SUMF2: variants seen among roughly 807,000 people sequenced by gnomAD.
SUMF2 encodes sulfatase modifying factor 2.
SUMF2 carries 45 observed loss-of-function variants against 44.8 expected under a neutral mutation model. The observed-to-expected ratio is 1.00, with a 90% CI of 0.79 to 1.29. The LOEUF is 1.29. SUMF2 is among the 50% of genes most tolerant of loss of function. The pLI, the probability that SUMF2 is intolerant of heterozygous loss-of-function variation, is 0.00. For synonymous variants in SUMF2, 148 were observed against 150.4 expected (o/e 0.98, Z 0.12); for missense variants, 418 against 389.9 (o/e 1.07, Z -0.61).
rs934174559 is a variant in SUMF2, at chr7:56,074,566, C to A, written c.385-20C>A. The A allele has an allele frequency of 6.2e-7, 1 of 1,613,258 alleles. No homozygotes were observed. The highest frequency in any genetic ancestry group is 1.3e-5 in the African/African-American group (1 of 74,908). ...TTAATGCGCTCCCGGAAGCCTGTCT[C>A]ACTTAATCCTGGCTGTCAGCCTGCA... is the stretch of plus-strand genomic sequence containing the variant. On this transcript the variant is annotated intron_variant, in intron 4 of 8. Coordinates refer to ENST00000434526, the MANE Select transcript of SUMF2 (RefSeq NM_015411.4).
chr7:56,083,747 G>C (rs1562878512), downstream of SUMF2: 1 of 1,462,110 alleles, frequency 6.8e-7, no homozygotes. Context: ...AGCTGGATCG[G>C]TCCCAAGACC....
At chr7:56,074,014 C>CAAAAAAAAAAAAAAAAAAAAAAA (rs56927689) in intron 3 of SUMF2, 160 bp from the exon 4 acceptor site, 1 of 265,990 alleles carries the variant, frequency 3.8e-6, no homozygotes, top group Non-Finnish European at 6.7e-6. Context: ...GATCTTGTCT[C>CAAAAAAAAAAAAAAAAAAAAAAA]AAAAAAAAAA....
chr7:56,067,208 GCTTGTGTAGAGGAAGAAAAGGA>G (rs975629376), intron 1 of SUMF2, among the ~76,000 whole-genome samples: 7 of 152,198 alleles, frequency 4.6e-5, no homozygotes, highest in Non-Finnish European at 5.9e-5. Flanking sequence ...TGGGACAAGG[GCTTGTGTAGAGGAAGAAAAGGA>G]CTTGTGTAGA....
In SUMF2 at chr7:56,074,706, T is replaced by A; in HGVS notation, c.505T>A (p.Trp169Arg). The change falls in exon 5 of 9, where the codon TGG becomes AGG. Residue 169 changes from tryptophan to arginine, a missense_variant. By Grantham distance (101) the Trp-to-Arg change is moderately radical. Transcript: ENST00000434526. Reference sequence around the variant, plus strand: ...AAAACGACTGCCCACGGAGGAAGAGTGGGAGTTTGCCGCCCGAGGGGGCTT... The same window carrying A: ...AAAACGACTGCCCACGGAGGAAGAGAGGGAGTTTGCCGCCCGAGGGGGCTT... The part of the protein sequence containing the change: ...RGKRLPTEEE[W>R]EFAARGGLKG... The A allele has an allele frequency of 6.2e-7, 1 of 1,613,440 alleles. No individual in the cohort carries two copies. Among genetic ancestry groups the A allele is most frequent in the African/African-American group, 1.3e-5 (1 of 74,766 alleles).
At chr7:56,071,805 T>C (rs950739304) in intron 2 of SUMF2, among the ~76,000 whole-genome samples, 2 of 146,490 alleles carry the variant, frequency 1.4e-5, no homozygotes, top group Non-Finnish European at 3.0e-5. Flanking sequence ...AATAAATAAA[T>C]AAATAAATAA....
chr7:56,069,227 A>C (rs1795009081), intron 2 of SUMF2, among the ~76,000 whole-genome samples: 1 of 152,102 alleles, frequency 6.6e-6, no homozygotes, highest in African/African-American at 2.4e-5. Context: ...GAGAAATATA[A>C]GCAAACGCCA....
chr7:56,074,444 C>A, intron 4 of SUMF2, 142 bp from the exon 5 acceptor site: 1 of 1,177,692 alleles, frequency 8.5e-7, no homozygotes, highest in Non-Finnish European at 1.2e-6. Context: ...TTTCTGACTC[C>A]GACCACTGGT....
the SUMF2 span, chr7:56,087,051 C>T: frequency 1.9e-6 from 3 of 1,599,316 alleles, no homozygotes; most frequent in Non-Finnish European, 2.6e-6. Context: ...TAGCTTGTCT[C>T]AAGTAGCAGG....
At chr7:56,081,228 C>G (rs1381925012), downstream of SUMF2, 3 of 1,613,702 alleles carry the variant, frequency 1.9e-6, no homozygotes, top group Non-Finnish European at 2.5e-6. The surrounding 1 kb of genome is among the most constrained non-coding windows in gnomAD (Gnocchi z 4.6). Flanking sequence ...TGACGATCTC[C>G]CGGGTCACAG....
chr7:56,076,248 G>A (rs991547341), intron 5 of SUMF2, among the ~76,000 whole-genome samples: 12 of 151,844 alleles, frequency 7.9e-5, no homozygotes, highest in Non-Finnish European at 1.3e-4. Flanking sequence ...GGATGATCTC[G>A]ATCTCCTGAC....
At position 56,073,008 on chromosome 7, in the gene SUMF2, G is replaced by A. The variant is rs1299748082; in HGVS notation, c.236G>A (p.Arg79Lys). 1 of 1,613,838 alleles carries A rather than the reference G, an allele frequency of 6.2e-7. No individual in the cohort carries two copies. The highest frequency in any genetic ancestry group is 8.5e-7 in the Non-Finnish European group (1 of 1,179,788). ...CTATGTCTTTATAGGGATTTTGTCA[G>A]GGAGAAAAAGTATCGGACAGAAGCT... ...VTNKDFRDFV[R>K]EKKYRTEAEM... is the part of the protein sequence containing the mutation. The change falls in exon 3 of 9, where the codon AGG (arginine) becomes AAG (lysine). Residue 79 changes from arginine to lysine, a missense_variant. Physicochemically the swap from Arg to Lys is conservative, Grantham distance 26. Transcript: ENST00000434526.
chr7:56,084,707 A>T (rs966994578), downstream of SUMF2, among the ~76,000 whole-genome samples: 1 of 152,072 alleles, frequency 6.6e-6, no homozygotes, highest in East Asian at 1.9e-4. Flanking sequence ...AACAAATGGG[A>T]AGAATCGGCT....
At chr7:56,067,766 A>G (rs1410770935) in intron 1 of SUMF2, among the ~76,000 whole-genome samples, 4 of 151,498 alleles carry the variant, frequency 2.6e-5, no homozygotes, top group African/African-American at 9.7e-5. Flanking sequence ...GGTGGTGCAC[A>G]CTTGTGGTCC....
intron 3 of SUMF2, chr7:56,073,819 T>C (rs759088421): frequency 4.6e-5 from 11 of 238,860 alleles, no homozygotes; most frequent in Non-Finnish European, 8.1e-5. Context: ...AAGACCAGCC[T>C]GGGCAACATA....
intron 5 of SUMF2, among the ~76,000 whole-genome samples, chr7:56,075,415 G>A (rs1171275619): frequency 3.3e-5 from 5 of 151,928 alleles, no homozygotes; most frequent in South Asian, 2.1e-4. Flanking sequence ...CACTGTTTGC[G>A]GCCGGGCGCA....
At chr7:56,084,019 A>G (rs1385992927), downstream of SUMF2, 34 of 627,912 alleles carry the variant, frequency 5.4e-5, no homozygotes, top group Non-Finnish European at 9.1e-5. Context: ...TTTTCCCACC[A>G]TTTCATGAGG....
At chr7:56,085,218 C>T (rs1361512492), downstream of SUMF2, among the ~76,000 whole-genome samples, 1 of 152,122 alleles carries the variant, frequency 6.6e-6, no homozygotes, top group Non-Finnish European at 1.5e-5. Context: ...GCCTCAGCCT[C>T]CCAAAGTACT....
chr7:56,083,565 C>T (rs559963666), downstream of SUMF2: 67 of 1,491,230 alleles, frequency 4.5e-5, no homozygotes, highest in Admixed American at 6.3e-4. Flanking sequence ...CAGACATGTG[C>T]ACGCCCTGCC....
chr7:56,081,105 G>A (rs140495986), downstream of SUMF2: 143 of 1,613,488 alleles, frequency 8.9e-5, 1 homozygote, highest in South Asian at 4.9e-4. The surrounding 1 kb of genome is among the most constrained non-coding windows in gnomAD (Gnocchi z 4.6). Context: ...GTGTGTTCTC[G>A]AAAAGGGCTG....
Sources: gnomAD v4.1 joint callset for allele counts (sites outside exome capture counted in the v4.1 genomes callset) on GRCh38, gnomAD v4.1.1 for gene constraint, Gnocchi (gnomAD v3.1) non-coding constraint, MANE v1.5 for transcripts, NCBI Gene and HGNC (gene_info 2026-07-23, HGNC 2026-07-21) for gene names.